Variants in MARCHF8 observed in about 807,000 individuals in gnomAD.
MARCHF8 encodes the protein membrane associated ring-CH-type finger 8.
In MARCHF8, 40 loss-of-function variants were observed where a neutral mutation model predicts 51.6. The observed-to-expected ratio is 0.77, with a 90% CI of 0.60 to 1.01. The LOEUF is 1.01. Ranked by LOEUF, MARCHF8 falls within the 50% of genes least tolerant of loss-of-function variation. The probability of loss-of-function intolerance (pLI) is 0.00; values close to 1 mark genes in which losing one functional copy is unlikely to be tolerated. For synonymous variants in MARCHF8, 263 were observed against 280.3 expected (o/e 0.94, Z 0.62); for missense variants, 685 against 708.6 (o/e 0.97, Z 0.38).
At chr10:45,555,285 A>C (rs74874679) in intron 1 of MARCHF8, among the ~76,000 whole-genome samples, 9,361 of 151,760 alleles carry the variant, frequency 0.062, 330 homozygotes, top group Non-Finnish European at 0.066. Flanking sequence ...TGGCTGGGTA[A>C]ACTGGTTTGT....
chr10:45,507,825 AAG>A (rs1554812861), intron 2 of MARCHF8, among the ~76,000 whole-genome samples: 3 of 152,020 alleles, frequency 2.0e-5, no homozygotes, highest in African/African-American at 7.2e-5. Flanking sequence ...AAAAAAAAAA[AAG>A]ATTTTATAAA....
chr10:45,533,116 T>C lies in MARCHF8; in HGVS notation c.96A>G (p.Glu32=). 2 of 1,605,142 alleles carry C rather than the reference T, an allele frequency of 1.2e-6. No homozygotes were observed. The highest frequency in any genetic ancestry group is 8.5e-7 in the Non-Finnish European group (1 of 1,177,086). Residue 32 remains glutamate (E), a synonymous_variant, in exon 2 of 8, where the codon GAA becomes GAG. Transcript: ENST00000453424. The part of the protein sequence containing the change: ...YRSKTKEKER[E]EQNEKTLGHF... ...AAAGATACTCTCCCAGTACCTGTTC[T>C]TCCCTCTCCTTTTCTTTGGTCTTAC...
rs188675194 is a variant in MARCHF8 at position 45,484,538 on chromosome 10, T to C, written c.153+4829A>G. On this transcript the variant is annotated intron_variant, in intron 3 of 7. Transcript: ENST00000453424. ...ACAGATTTTTTTCCAAGGGGGGACA[T>C]TCTGCTGCTTCTAAAAATATAAGAT... is the stretch of plus-strand genomic sequence containing the variant. Among the ~76,000 whole-genome samples, 7 of 152,342 alleles carry C rather than the reference T, an allele frequency of 4.6e-5. No homozygotes were observed. In the East Asian group the frequency reaches 1.3e-3, roughly 29 times the overall value.
intron 2 of MARCHF8, among the ~76,000 whole-genome samples, chr10:45,531,150 C>A (rs1019129556): frequency 1.3e-5 from 2 of 152,130 alleles, no homozygotes; most frequent in African/African-American, 4.8e-5. Flanking sequence ...TTAAGCCAGT[C>A]AATGTGTATA....
chr10:45,541,134 G>C (rs564316303), intron 1 of MARCHF8, among the ~76,000 whole-genome samples: 1 of 152,050 alleles, frequency 6.6e-6, no homozygotes, highest in Non-Finnish European at 1.5e-5. Flanking sequence ...TGTTTATTGC[G>C]GCACTATTCA....
At chr10:45,464,372 G>A in intron 3 of MARCHF8, 45 bp from the exon 4 acceptor site, 1 of 1,528,256 alleles carries the variant, frequency 6.5e-7, no homozygotes, top group Non-Finnish European at 9.1e-7. Flanking sequence ...AGAGCCAAGG[G>A]GATTGTGTGC....
intron 2 of MARCHF8, among the ~76,000 whole-genome samples, chr10:45,522,423 T>C (rs1415600319): frequency 6.6e-6 from 1 of 152,138 alleles, no homozygotes; most frequent in Non-Finnish European, 1.5e-5. Context: ...ACACTGCTAA[T>C]TAGATGAAAA....
intron 1 of MARCHF8, among the ~76,000 whole-genome samples, chr10:45,575,033 C>T (rs1368379577): frequency 6.6e-6 from 1 of 151,558 alleles, no homozygotes; most frequent in East Asian, 1.9e-4. Context: ...TTAATAAAAA[C>T]TCTTCTCAAA....
At chr10:45,529,065 A>G (rs140392188) in intron 2 of MARCHF8, among the ~76,000 whole-genome samples, 7 of 152,278 alleles carry the variant, frequency 4.6e-5, no homozygotes, top group Admixed American at 3.9e-4. Flanking sequence ...CTTGACTTCA[A>G]ATTGTACTAT....
intron 1 of MARCHF8, among the ~76,000 whole-genome samples, chr10:45,590,625 G>A (rs998914982): frequency 1.2e-4 from 18 of 152,166 alleles, no homozygotes; most frequent in Non-Finnish European, 2.5e-4. Context: ...AAAAGTTGCA[G>A]GAAAAAAAGT....
At chr10:45,581,750 AC>A (rs1165611631) in intron 1 of MARCHF8, among the ~76,000 whole-genome samples, 1 of 151,910 alleles carries the variant, frequency 6.6e-6, no homozygotes, top group Admixed American at 6.6e-5. Flanking sequence ...TGCCATTAGC[AC>A]CCCCACAGTT....
At chr10:45,564,038 G>A (rs2044338333) in intron 1 of MARCHF8, among the ~76,000 whole-genome samples, 2 of 152,232 alleles carry the variant, frequency 1.3e-5, no homozygotes, top group Non-Finnish European at 2.9e-5. Context: ...CACTTTGGGA[G>A]GCCGTGGCAG....
chr10:45,492,311 T>G (rs1433487690), intron 2 of MARCHF8, among the ~76,000 whole-genome samples: 1 of 152,048 alleles, frequency 6.6e-6, no homozygotes, highest in East Asian at 1.9e-4. Flanking sequence ...TTTTTTTTCT[T>G]TTTTGATACG....
At chr10:45,471,234 G>A (rs912782468) in intron 3 of MARCHF8, among the ~76,000 whole-genome samples, 9 of 152,174 alleles carry the variant, frequency 5.9e-5, no homozygotes, top group East Asian at 3.8e-4. Flanking sequence ...AAAGGGAGTC[G>A]GAATTACTTG....
intron 3 of MARCHF8, among the ~76,000 whole-genome samples, chr10:45,482,136 TA>T (rs2042898785): frequency 6.6e-6 from 1 of 152,010 alleles, no homozygotes; most frequent in Admixed American, 6.6e-5. Context: ...CAAGGAAAAC[TA>T]CAAAACACTG....
At chr10:45,549,764 T>C (rs1463806420) in intron 1 of MARCHF8, among the ~76,000 whole-genome samples, 1 of 152,204 alleles carries the variant, frequency 6.6e-6, no homozygotes, top group African/African-American at 2.4e-5. Flanking sequence ...AGTGGGTTCC[T>C]AACAGAAGAA....
chr10:45,543,050 T>C (rs187462504), intron 1 of MARCHF8, among the ~76,000 whole-genome samples: 172 of 152,348 alleles, frequency 1.1e-3, no homozygotes, highest in Non-Finnish European at 1.9e-3. Context: ...AACTACAATC[T>C]GGCTTCAGTA....
At chr10:45,530,230 T>G (rs564537229) in intron 2 of MARCHF8, among the ~76,000 whole-genome samples, 1 of 152,134 alleles carries the variant, frequency 6.6e-6, no homozygotes, top group Non-Finnish European at 1.5e-5. Flanking sequence ...CTGAAAAATA[T>G]GTACACAGGG....
At chr10:45,516,579 T>C (rs1349924166) in intron 2 of MARCHF8, among the ~76,000 whole-genome samples, 1 of 152,078 alleles carries the variant, frequency 6.6e-6, no homozygotes, top group Non-Finnish European at 1.5e-5. Context: ...GCCTGGACAA[T>C]ACAGCGAAAC....
Sources: gnomAD v4.1 joint callset for allele counts (sites outside exome capture counted in the v4.1 genomes callset) on GRCh38, gnomAD v4.1.1 for gene constraint, MANE v1.5 for transcripts, NCBI Gene and HGNC (gene_info 2026-07-23, HGNC 2026-07-21) for gene names.